Variants in CLPSL2 observed in about 807,000 individuals in gnomAD.
CLPSL2 encodes the protein colipase-like protein 2.
Under a neutral mutation model 7.9 loss-of-function variants are expected in CLPSL2, and 4 were observed. That is an observed-to-expected ratio of 0.50 (90% confidence interval 0.25 to 1.15). The LOEUF (loss-of-function observed/expected upper bound fraction) is 1.15. Ranked by LOEUF, CLPSL2 falls within the 50% of genes most tolerant of loss-of-function variation. The pLI is 0.15. For synonymous variants in CLPSL2, 67 were observed against 53.1 expected, an observed-to-expected ratio of 1.26 and a Z score of -1.14; for missense variants, 132 against 136.6, an observed-to-expected ratio of 0.97 and a Z score of 0.17.
chr6:35,779,493 C>G lies in CLPSL2; in HGVS notation c.*43C>G, dbSNP rs1471393762. On this transcript the variant is annotated 3_prime_UTR_variant, in exon 3 of 3. Coordinates refer to ENST00000403376, the MANE Select transcript of CLPSL2 (RefSeq NM_207409.4). ...TCACTGCTCCCTTGGGGCCATAGGC[C>G]CTGGTTGCCACCAACTTGCTCCAAA... 1 of 1,553,706 alleles carries G rather than the reference C, an allele frequency of 6.4e-7. No homozygotes were observed. Among genetic ancestry groups the G allele is most frequent in the South Asian group, 1.2e-5 (1 of 84,152 alleles).
chr6:35,777,727 A>G (rs1581946563), intron 2 of CLPSL2, 146 bp downstream of exon 2: 2 of 928,892 alleles, frequency 2.2e-6, no homozygotes, highest in Non-Finnish European at 3.3e-6. Flanking sequence ...CTCATGGTGC[A>G]AAACAACTCC....
intron 2 of CLPSL2, 74 bp from the exon 3 acceptor site, chr6:35,779,281 G>C: frequency 8.0e-7 from 1 of 1,247,012 alleles, no homozygotes; most frequent in Non-Finnish European, 1.1e-6. Context: ...TCTTGGTTCT[G>C]GTCCCCAAGA....
At chr6:35,777,152 C>T (rs1767852539) in intron 1 of CLPSL2, among the ~76,000 whole-genome samples, 1 of 152,138 alleles carries the variant, frequency 6.6e-6, no homozygotes, top group African/African-American at 2.4e-5. Flanking sequence ...ATTCTCATCC[C>T]CCAACCCTGC....
intron 1 of CLPSL2, 134 bp downstream of exon 1, chr6:35,776,836 C>G (rs1451025857): frequency 2.2e-5 from 16 of 728,332 alleles, no homozygotes; most frequent in Non-Finnish European, 3.2e-5. Flanking sequence ...GGCGGGTAGC[C>G]TGGGGCATCC....
chr6:35,779,323 T>G, intron 2 of CLPSL2, 32 bp from the exon 3 acceptor site: 2 of 1,516,164 alleles, frequency 1.3e-6, no homozygotes. Context: ...TGCATCCTGG[T>G]GACTCCCGAT....
chr6:35,778,877 T>A (rs1271375617), intron 2 of CLPSL2, among the ~76,000 whole-genome samples: 1 of 152,132 alleles, frequency 6.6e-6, no homozygotes, highest in East Asian at 1.9e-4. Flanking sequence ...CACTGCAACC[T>A]CCACCTCCTG....
rs200576280 is a variant in CLPSL2 at position 35,779,423 on chromosome 6, G to A, written c.276G>A (p.Met92Ile). 5.1e-6 allele frequency: 8 copies of A among 1,578,000 alleles called. 1 individual carries two copies. Among genetic ancestry groups the A allele is most frequent in the South Asian group, 3.5e-5 (3 of 86,292 alleles). ...TGACGTGCATATCCAAGGACTTGATGTGTTCCCGCCGGTGCCATATGATTT... is the reference window on the plus strand; with the variant it reads ...TGACGTGCATATCCAAGGACTTGATATGTTCCCGCCGGTGCCATATGATTT... Reference protein sequence around the residue: ...MGLTCISKDLMCSRRCHMI With the variant: ...MGLTCISKDLICSRRCHMI The change falls in exon 3 of 3, where the codon ATG (methionine) becomes ATA (isoleucine). Residue 92 changes from methionine (M) to isoleucine (I), a missense_variant. Met to Ile is a conservative substitution (Grantham distance 10). Coordinates refer to ENST00000403376, the MANE Select transcript of CLPSL2 (RefSeq NM_207409.4).
At position 35,779,388 on chromosome 6, in the gene CLPSL2, C is replaced by T. The variant is rs139719161; in HGVS notation, c.241C>T (p.Arg81Trp). 1.8e-5 allele frequency: 29 copies of T among 1,584,392 alleles called. No homozygotes were observed. The African/African-American group carries it at 2.1e-4, about 12-fold the overall frequency. ...AGCTACCAACATCATCTGCCCTTGCCGGATGGGCTTGACGTGCATATCCAA... is the reference window on the plus strand; with the variant it reads ...AGCTACCAACATCATCTGCCCTTGCTGGATGGGCTTGACGTGCATATCCAA... ...KGATNIICPCRMGLTCISKDL... is the reference protein window; with the variant it reads ...KGATNIICPCWMGLTCISKDL... Residue 81 changes from arginine to tryptophan, a missense_variant, in exon 3 of 3, where the codon CGG becomes TGG. Arg to Trp is a moderately radical substitution (Grantham distance 101). Coordinates refer to ENST00000403376, the MANE Select transcript of CLPSL2 (RefSeq NM_207409.4).
At chr6:35,776,854 G>T in intron 1 of CLPSL2, 152 bp downstream of exon 1, 1 of 603,836 alleles carries the variant, frequency 1.7e-6, no homozygotes, top group Non-Finnish European at 2.6e-6. Context: ...TCCTCAGACG[G>T]ACTTCAAAAG....
At chr6:35,778,074 G>C (rs1293175196) in intron 2 of CLPSL2, 1 of 555,584 alleles carries the variant, frequency 1.8e-6, no homozygotes, top group Non-Finnish European at 3.4e-6. Context: ...TTGGGCCTCA[G>C]CCTCCCGAGT....
chr6:35,778,413 G>A (rs1228061495), intron 2 of CLPSL2, among the ~76,000 whole-genome samples: 3 of 152,222 alleles, frequency 2.0e-5, no homozygotes, highest in Admixed American at 1.3e-4. Flanking sequence ...CCACAGCTTT[G>A]CAGTTGGACC....
Position 35,776,671 on chromosome 6 carries a change from C to T in CLPSL2, c.53C>T (p.Pro18Leu). 2.0e-6 allele frequency: 3 copies of T among 1,474,294 alleles called. No homozygotes were observed. The highest frequency in any genetic ancestry group is 1.8e-6 in the Non-Finnish European group (2 of 1,120,542). The allele number at this position is 1,474,294 out of a possible 1,614,324, so 91.3% of individuals were successfully genotyped here. ...VAGVLSGAVL[P>L]LWSALPQYKK... ...GGGGTCCTGTCGGGGGCGGTGCTGC[C>T]CCTCTGGAGCGCGCTTCCGCAATAT... The change falls in exon 1 of 3, where the codon CCC (proline) becomes CTC (leucine). Residue 18 changes from proline (P) to leucine (L), a missense_variant. Physicochemically the swap from Pro to Leu is moderately conservative, Grantham distance 98 (BLOSUM62 -3). Transcript: ENST00000403376.
chr6:35,779,037 G>A (rs577157706), intron 2 of CLPSL2, among the ~76,000 whole-genome samples: 4 of 152,110 alleles, frequency 2.6e-5, no homozygotes, highest in East Asian at 1.9e-4. Context: ...CTTCCAAAGC[G>A]CTGGGATTAC....
At chr6:35,778,535 C>T (rs1455767583) in intron 2 of CLPSL2, among the ~76,000 whole-genome samples, 1 of 152,252 alleles carries the variant, frequency 6.6e-6, no homozygotes, top group Non-Finnish European at 1.5e-5. Flanking sequence ...AGTACCTACC[C>T]CACCAGGCTG....
chr6:35,778,855 G>A (rs62403660), intron 2 of CLPSL2, among the ~76,000 whole-genome samples: 4 of 151,998 alleles, frequency 2.6e-5, no homozygotes, highest in East Asian at 3.9e-4. Flanking sequence ...GTGCAATGGC[G>A]TGATCTTGGC....
Position 35,776,649 on chromosome 6 carries a change from G to A in CLPSL2, c.31G>A (p.Val11Ile). 1 of 1,495,754 alleles carries A rather than the reference G, an allele frequency of 6.7e-7. No homozygotes were observed. Among genetic ancestry groups the A allele is most frequent in the Non-Finnish European group, 8.8e-7 (1 of 1,130,152 alleles). The allele number at this position is 1,495,754 out of a possible 1,614,324, so 92.7% of individuals were successfully genotyped here. The part of the protein sequence containing the change: MAAALALVAG[V>I]LSGAVLPLWS... ...CGCAGCCCTGGCGCTCGTGGCGGGG[G>A]TCCTGTCGGGGGCGGTGCTGCCCCT... Residue 11 changes from valine to isoleucine, a missense_variant, in exon 1 of 3, where the codon GTC becomes ATC. Transcript: ENST00000403376.
chr6:35,778,577 G>T (rs953406948), intron 2 of CLPSL2, among the ~76,000 whole-genome samples: 1 of 152,222 alleles, frequency 6.6e-6, no homozygotes, highest in Non-Finnish European at 1.5e-5. Context: ...GGCAAGGAGA[G>T]TGTGCAGTCC....
intron 2 of CLPSL2, chr6:35,777,960 T>G (rs1333674931): frequency 1.4e-6 from 1 of 714,054 alleles, no homozygotes; most frequent in African/African-American, 1.8e-5. Context: ...TATTGTTGTT[T>G]GTTTGTTTGT....
Position 35,776,883 on chromosome 6 carries a change from G to A in CLPSL2, c.84+181G>A, listed in dbSNP as rs144080170. 1.6e-3 allele frequency: 805 copies of A among 501,900 alleles called. 11 individuals are homozygous for A. In the East Asian group the frequency reaches 0.028, roughly 17 times the overall value. 31.1% of individuals were successfully genotyped at this position (501,900 alleles called of 1,614,324 possible). A position where few individuals can be genotyped will look rare whatever the true frequency, so the allele number is the denominator to read the frequency against. ...TCAAAAGCCGCTTCACTTTCCCCTG[G>A]TGGCCTCAGAGGGGAGAGAAATTGG... On this transcript the variant is annotated intron_variant, in intron 1 of 2. Coordinates refer to ENST00000403376, the MANE Select transcript of CLPSL2 (RefSeq NM_207409.4).
Sources: allele counts gnomAD v4.1 joint callset (sites outside exome capture counted in the v4.1 genomes callset), GRCh38; gene constraint gnomAD v4.1.1; transcripts MANE v1.5; gene names NCBI Gene and HGNC (gene_info 2026-07-23, HGNC 2026-07-21).